TMPRSS15: variants seen among roughly 807,000 people sequenced by gnomAD.
The protein encoded by TMPRSS15 is enteropeptidase.
Under a neutral mutation model 125.3 loss-of-function variants are expected in TMPRSS15, and 128 were observed. The ratio of observed to expected loss-of-function variants is 1.02; its 90% CI spans 0.89 to 1.18. TMPRSS15 has a LOEUF of 1.18. Among genes scored for constraint, TMPRSS15 ranks in the 50% most tolerant of loss-of-function variants. The probability of loss-of-function intolerance (pLI) is 0.00; values close to 1 mark genes in which losing one functional copy is unlikely to be tolerated. For synonymous variants in TMPRSS15, 446 were observed against 423.2 expected (o/e 1.05, Z -0.66); for missense variants, 1,283 against 1,212.7 (o/e 1.06, Z -0.86).
intron 20 of TMPRSS15, 49 bp from the exon 21 acceptor site, chr21:18,294,493 T>G: frequency 6.2e-7 from 1 of 1,611,860 alleles, no homozygotes; most frequent in Non-Finnish European, 8.5e-7. Context: ...TTGGCATTTC[T>G]TCTGATGGTG....
intron 18 of TMPRSS15, among the ~76,000 whole-genome samples, chr21:18,300,210 T>TTTTC (rs10701453): frequency 0.77 from 116,038 of 150,474 alleles, 44,876 homozygotes; most frequent in African/African-American, 0.82. Context: ...CTTTCTTTCT[T>TTTTC]TTTCTTTCTC....
At chr21:18,317,462 G>C (rs2075179588) in intron 16 of TMPRSS15, among the ~76,000 whole-genome samples, 1 of 151,208 alleles carries the variant, frequency 6.6e-6, no homozygotes, top group African/African-American at 2.4e-5. Flanking sequence ...GTAAGGGGAG[G>C]GTGGTGCTAT....
intron 1 of TMPRSS15, among the ~76,000 whole-genome samples, chr21:18,458,783 C>T (rs1330623670): frequency 6.6e-6 from 1 of 152,138 alleles, no homozygotes; most frequent in Non-Finnish European, 1.5e-5. Flanking sequence ...AAATAAAATT[C>T]CTGGTTGGAG....
chr21:18,304,243 A>G (rs889368226), intron 18 of TMPRSS15, among the ~76,000 whole-genome samples: 2 of 152,206 alleles, frequency 1.3e-5, no homozygotes, highest in African/African-American at 4.8e-5. Context: ...CTGGTACGGT[A>G]GAAAAAAGTT....
At chr21:18,381,603 T>C (rs930848871) in intron 4 of TMPRSS15, among the ~76,000 whole-genome samples, 2 of 152,144 alleles carry the variant, frequency 1.3e-5, no homozygotes, top group Admixed American at 1.3e-4. Flanking sequence ...AAACAGTTTA[T>C]TACATTTGTG....
At chr21:18,404,299 C>T (rs990337328), upstream of TMPRSS15, among the ~76,000 whole-genome samples, 4 of 152,142 alleles carry the variant, frequency 2.6e-5, no homozygotes, top group Admixed American at 6.5e-5. Context: ...TTAAACAAGG[C>T]GTTCTATGGC....
At position 18,441,845 on chromosome 21, in the gene TMPRSS15, C is replaced by T. The variant is rs147370770; in HGVS notation, c.11-43516G>A. ...AGCTGGGACTGTAGGCACACGCCAC[C>T]GATCTCAGCTAAGTTTTGTACTGTT... On this transcript the variant is annotated intron_variant, in intron 1 of 7. Transcript: ENST00000422787. Among the ~76,000 whole-genome samples, 44 of 151,836 alleles carry T rather than the reference C, an allele frequency of 2.9e-4. No individual in the cohort carries two copies. The East Asian group carries it at 8.2e-3, about 28-fold the overall frequency.
At chr21:18,329,041 T>C in intron 15 of TMPRSS15, 128 bp downstream of exon 15, 12 of 1,033,060 alleles carry the variant, frequency 1.2e-5, no homozygotes, top group Non-Finnish European at 1.6e-5. Context: ...TAAACTCATG[T>C]CACTTTACTA....
intron 1 of TMPRSS15, among the ~76,000 whole-genome samples, chr21:18,409,101 A>G (rs886867455): frequency 6.6e-6 from 1 of 152,022 alleles, no homozygotes; most frequent in Non-Finnish European, 1.5e-5. Context: ...ATATTGATGC[A>G]TGGGTAAGTG....
chr21:18,390,043 C>A (rs2824797), intron 3 of TMPRSS15, among the ~76,000 whole-genome samples: 1 of 152,080 alleles, frequency 6.6e-6, no homozygotes, highest in Admixed American at 6.5e-5. Flanking sequence ...GCCCTCAATG[C>A]CAGCTCTATT....
chr21:18,454,233 G>C (rs887562630), intron 1 of TMPRSS15, among the ~76,000 whole-genome samples: 1 of 152,080 alleles, frequency 6.6e-6, no homozygotes, highest in South Asian at 2.1e-4. Flanking sequence ...AAATTGCCTA[G>C]ATGTTGAATG....
chr21:18,270,122 C>T lies in TMPRSS15; in HGVS notation c.2907G>A (p.Gly969=), dbSNP rs548679171. 8.7e-6 allele frequency: 14 copies of T among 1,613,628 alleles called. No individual in the cohort carries two copies. Among genetic ancestry groups the T allele is most frequent in the Middle Eastern group, 3.3e-4 (2 of 6,062 alleles). The change falls in exon 25 of 25, where the codon GGG becomes GGA. Residue 969 remains glycine (G), a splice_region_variant and synonymous_variant. Transcript: ENST00000284885. The part of the protein sequence containing the change: ...YEEGGIDSCQ[G]DSGGPLMCQE... ...GGCACATTAATGGTCCTCCTGAATC[C>T]CCCTAAAGAGTGAATTGCAAAACAA...
At chr21:18,305,360 T>TG (rs1285482604) in intron 18 of TMPRSS15, among the ~76,000 whole-genome samples, 1 of 151,896 alleles carries the variant, frequency 6.6e-6, no homozygotes, top group Admixed American at 6.6e-5. Context: ...GGCTAATTTT[T>TG]TGTATTTTTA....
chr21:18,415,185 GC>G (rs2076176803), intron 1 of TMPRSS15, among the ~76,000 whole-genome samples: 2 of 152,066 alleles, frequency 1.3e-5, no homozygotes, highest in Admixed American at 1.3e-4. Context: ...CAGGGTGCAT[GC>G]CCATTTTTAA....
chr21:18,389,776 T>C (rs1212985650), intron 3 of TMPRSS15, among the ~76,000 whole-genome samples: 1 of 152,136 alleles, frequency 6.6e-6, no homozygotes, highest in Non-Finnish European at 1.5e-5. Flanking sequence ...CTACCTCTTT[T>C]TGGTCACTAA....
intron 21 of TMPRSS15, among the ~76,000 whole-genome samples, chr21:18,281,820 A>G (rs560329612): frequency 6.6e-6 from 1 of 152,236 alleles, no homozygotes; most frequent in East Asian, 1.9e-4. Context: ...TAAACAAGCC[A>G]GGCGCGGTGG....
intron 21 of TMPRSS15, among the ~76,000 whole-genome samples, chr21:18,284,862 G>A (rs560920122): frequency 1.3e-5 from 2 of 152,164 alleles, no homozygotes; most frequent in African/African-American, 4.8e-5. Context: ...TTAGCCAGGC[G>A]TGGTGGTGCA....
intron 24 of TMPRSS15, among the ~76,000 whole-genome samples, chr21:18,272,611 G>C (rs545422396): frequency 2.0e-5 from 3 of 152,226 alleles, no homozygotes; most frequent in East Asian, 3.9e-4. Flanking sequence ...TGTAATCCCA[G>C]CTACTCGGGA....
intron 1 of TMPRSS15, among the ~76,000 whole-genome samples, chr21:18,481,490 C>T (rs1425927071): frequency 6.6e-6 from 1 of 151,766 alleles, no homozygotes; most frequent in African/African-American, 2.4e-5. Flanking sequence ...TGTGATGTAT[C>T]TTTTTGCTGA....
Sources: gnomAD v4.1 joint callset for allele counts (sites outside exome capture counted in the v4.1 genomes callset) on GRCh38, gnomAD v4.1.1 for gene constraint, MANE v1.5 for transcripts, NCBI Gene and HGNC (gene_info 2026-07-23, HGNC 2026-07-21) for gene names.